Variants in GPC5 observed in about 807,000 individuals in gnomAD.
GPC5 encodes the protein glypican-5.
GPC5 carries 47 observed loss-of-function variants against 53.9 expected under a neutral mutation model. The observed-to-expected ratio is 0.87, with a 90% CI of 0.69 to 1.11. The LOEUF is 1.11. GPC5 is among the 50% of genes most tolerant of loss of function. The pLI, the probability that GPC5 is intolerant of heterozygous loss-of-function variation, is 0.00. For synonymous variants in GPC5, 286 were observed against 263.3 expected, an observed-to-expected ratio of 1.09 and a Z score of -0.84; for missense variants, 748 against 713.1, an observed-to-expected ratio of 1.05 and a Z score of -0.56.
intron 3 of GPC5, among the ~76,000 whole-genome samples, chr13:91,706,745 G>A (rs1315478330): frequency 6.6e-6 from 1 of 151,920 alleles, no homozygotes; most frequent in African/African-American, 2.4e-5. Context: ...TGCAAATGTG[G>A]GAACTGAGAG....
intron 7 of GPC5, among the ~76,000 whole-genome samples, chr13:92,630,044 G>T (rs556237502): frequency 4.7e-4 from 72 of 152,122 alleles, no homozygotes; most frequent in Non-Finnish European, 9.0e-4. Context: ...TTTGAAGAAA[G>T]GAAGACCAAA....
chr13:92,070,585 G>A (rs1388389845), intron 6 of GPC5, among the ~76,000 whole-genome samples: 1 of 152,066 alleles, frequency 6.6e-6, no homozygotes, highest in South Asian at 2.1e-4. Flanking sequence ...TTTTGTTGTT[G>A]TATATCTCCT....
At chr13:92,581,686 T>C (rs1883375788) in intron 7 of GPC5, among the ~76,000 whole-genome samples, 1 of 152,160 alleles carries the variant, frequency 6.6e-6, no homozygotes, top group African/African-American at 2.4e-5. Context: ...CAACAAACAG[T>C]TAAAAAGTTT....
intron 2 of GPC5, among the ~76,000 whole-genome samples, chr13:91,597,768 T>C (rs1255423309): frequency 6.6e-6 from 1 of 152,104 alleles, no homozygotes; most frequent in African/African-American, 2.4e-5. Flanking sequence ...ATGGGGCATA[T>C]TCCTTATGGC....
At chr13:91,495,807 G>C (rs1884222355) in intron 2 of GPC5, among the ~76,000 whole-genome samples, 1 of 152,236 alleles carries the variant, frequency 6.6e-6, no homozygotes, top group Admixed American at 6.5e-5. Flanking sequence ...TGGATCACCT[G>C]AGGTCAAGAG....
intron 5 of GPC5, among the ~76,000 whole-genome samples, chr13:91,858,158 T>A (rs2038987591): frequency 6.6e-6 from 1 of 151,804 alleles, no homozygotes; most frequent in African/African-American, 2.4e-5. Flanking sequence ...TTCTTTCTTT[T>A]GACTGATTGC....
intron 7 of GPC5, among the ~76,000 whole-genome samples, chr13:92,287,990 T>C (rs1324361174): frequency 6.6e-6 from 1 of 152,132 alleles, no homozygotes; most frequent in African/African-American, 2.4e-5. Context: ...AGTTGTCCAG[T>C]CTATCTTCAA....
intron 7 of GPC5, among the ~76,000 whole-genome samples, chr13:92,381,982 CTATCTATCTA>C (rs1401483189): frequency 5.7e-5 from 8 of 139,600 alleles, no homozygotes; most frequent in African/African-American, 1.8e-4. Context: ...ATCTATCTAT[CTATCTATCTA>C]TCTATCTATC....
chr13:92,747,900 G>A (rs2139320423), intron 7 of GPC5, among the ~76,000 whole-genome samples: 1 of 152,288 alleles, frequency 6.6e-6, no homozygotes, highest in East Asian at 1.9e-4. Context: ...ATATATGCCA[G>A]TGATATCATA....
intron 7 of GPC5, among the ~76,000 whole-genome samples, chr13:92,321,040 ATTC>A (rs2043212306): frequency 7.7e-6 from 1 of 129,736 alleles, no homozygotes; most frequent in African/African-American, 3.6e-5. Context: ...AATGTAGGAT[ATTC>A]TTAGAAACTA....
intron 7 of GPC5, among the ~76,000 whole-genome samples, chr13:92,774,173 T>C (rs1178689117): frequency 6.6e-6 from 1 of 152,172 alleles, no homozygotes; most frequent in Non-Finnish European, 1.5e-5. Context: ...ATTTCACACA[T>C]AAAGCCCTTC....
intron 7 of GPC5, among the ~76,000 whole-genome samples, chr13:92,361,690 T>A (rs2043568677): frequency 6.6e-6 from 1 of 151,686 alleles, no homozygotes; most frequent in Non-Finnish European, 1.5e-5. Flanking sequence ...GATTCTTGCC[T>A]TTTAGGAGTG....
chr13:91,928,758 T>C (rs2039793483), intron 6 of GPC5, among the ~76,000 whole-genome samples: 1 of 152,088 alleles, frequency 6.6e-6, no homozygotes, highest in African/African-American at 2.4e-5. Context: ...TAAGACAGAA[T>C]TCATGCACAC....
At chr13:92,726,007 C>T (rs1324641433) in intron 7 of GPC5, among the ~76,000 whole-genome samples, 1 of 151,568 alleles carries the variant, frequency 6.6e-6, no homozygotes, top group Admixed American at 6.6e-5. Context: ...ATGCACCATC[C>T]TGAATATTGC....
intron 1 of GPC5, among the ~76,000 whole-genome samples, chr13:91,420,997 A>G (rs1262975509): frequency 6.6e-6 from 1 of 152,192 alleles, no homozygotes; most frequent in East Asian, 1.9e-4. Context: ...GAATAAATTT[A>G]TGTTGGCATC....
intron 7 of GPC5, among the ~76,000 whole-genome samples, chr13:92,602,461 T>C (rs1242052441): frequency 6.6e-6 from 1 of 151,866 alleles, no homozygotes; most frequent in Non-Finnish European, 1.5e-5. Flanking sequence ...GAACATAAAC[T>C]TGCCATTTGG....
rs190895967 is a variant in GPC5, at chr13:92,546,003, T to C, written c.1562-320279T>C. Reference sequence around the variant, plus strand: ...GACATGAAGTCCTTACCCATGCCTATATCCTGAATGGTGTTGCCTAGGTTT... The same window carrying C: ...GACATGAAGTCCTTACCCATGCCTACATCCTGAATGGTGTTGCCTAGGTTT... On this transcript the variant is annotated intron_variant, in intron 7 of 7. Transcript: ENST00000377067. Among the ~76,000 whole-genome samples, 192 of 152,280 alleles carry C rather than the reference T, an allele frequency of 1.3e-3. 1 individual carries two copies. Among genetic ancestry groups the C allele is most frequent in the African/African-American group, 4.5e-3 (187 of 41,574 alleles).
At chr13:91,743,894 T>C (rs1293408692) in intron 4 of GPC5, among the ~76,000 whole-genome samples, 2 of 152,164 alleles carry the variant, frequency 1.3e-5, no homozygotes, top group African/African-American at 4.8e-5. Flanking sequence ...CTCATATTTG[T>C]AGAGCTCTCA....
intron 7 of GPC5, among the ~76,000 whole-genome samples, chr13:92,777,552 G>A (rs1398225248): frequency 6.6e-6 from 1 of 152,106 alleles, no homozygotes; most frequent in Non-Finnish European, 1.5e-5. Context: ...CCTGGGAGGG[G>A]AGGTTGCAGT....
Sources: allele counts gnomAD v4.1 joint callset (sites outside exome capture counted in the v4.1 genomes callset), GRCh38; gene constraint gnomAD v4.1.1; transcripts MANE v1.5; gene names NCBI Gene and HGNC (gene_info 2026-07-23, HGNC 2026-07-21).